The following RASSF4 variants were observed in gnomAD, a reference collection of about 807,000 sequenced individuals.
RASSF4 encodes ras association domain-containing protein 4.
In RASSF4, 38 loss-of-function variants were observed where a neutral mutation model predicts 41.1. The ratio of observed to expected loss-of-function variants is 0.92; its 90% confidence interval spans 0.71 to 1.21. RASSF4 has a LOEUF of 1.21. Among genes scored for constraint, RASSF4 ranks in the 50% most tolerant of loss-of-function variants. The pLI is 0.00. For missense variants in RASSF4, 414 were observed against 419.4 expected, an observed-to-expected ratio of 0.99 and a Z score of 0.11; for synonymous variants, 179 against 163.4, an observed-to-expected ratio of 1.10 and a Z score of -0.73.
At chr10:44,962,957 A>G (rs1840762111) in intron 1 of RASSF4, among the ~76,000 whole-genome samples, 1 of 152,134 alleles carries the variant, frequency 6.6e-6, no homozygotes, top group Non-Finnish European at 1.5e-5. Context: ...AGGCTCTCAG[A>G]GGAAGGGGAG....
chr10:44,984,751 A>G, intron 5 of RASSF4, 62 bp from the exon 6 acceptor site: 2 of 1,582,342 alleles, frequency 1.3e-6, no homozygotes, highest in African/African-American at 2.7e-5. Flanking sequence ...ATCTCCCGAC[A>G]GCAGGCAGTT....
intron 2 of RASSF4, chr10:44,970,594 ATG>A (rs1841110925): frequency 3.7e-6 from 1 of 269,008 alleles, no homozygotes; most frequent in Admixed American, 4.9e-5. Context: ...GTTCAATAAA[ATG>A]TGTTATTAAT....
intron 6 of RASSF4, among the ~76,000 whole-genome samples, chr10:44,985,517 A>G (rs534338628): frequency 2.0e-5 from 3 of 152,256 alleles, no homozygotes; most frequent in Non-Finnish European, 4.4e-5. Flanking sequence ...GTTACTGTAA[A>G]TAGAATGATT....
chr10:44,980,419 T>C (rs1429437363), intron 3 of RASSF4, among the ~76,000 whole-genome samples: 1 of 152,190 alleles, frequency 6.6e-6, no homozygotes. Context: ...GGGCTTTCCC[T>C]CCATTCAGAT....
chr10:44,972,805 C>T (rs1199474431), intron 3 of RASSF4, among the ~76,000 whole-genome samples: 2 of 152,226 alleles, frequency 1.3e-5, no homozygotes, highest in Non-Finnish European at 2.9e-5. Flanking sequence ...CGGACTTTCT[C>T]TCCTCACTAG....
At chr10:44,962,338 C>T (rs1840739141) in intron 1 of RASSF4, among the ~76,000 whole-genome samples, 1 of 152,214 alleles carries the variant, frequency 6.6e-6, no homozygotes, top group African/African-American at 2.4e-5. Context: ...CATCTCCCTG[C>T]AGTGATATGC....
At chr10:44,979,845 G>A (rs143711405) in intron 3 of RASSF4, among the ~76,000 whole-genome samples, 230 of 152,166 alleles carry the variant, frequency 1.5e-3, no homozygotes, top group African/African-American at 5.3e-3. Flanking sequence ...TCAAAGGATC[G>A]CTGCAGCTGC....
intron 3 of RASSF4, among the ~76,000 whole-genome samples, chr10:44,980,144 T>G (rs1051639863): frequency 1.3e-5 from 2 of 151,998 alleles, no homozygotes; most frequent in Non-Finnish European, 2.9e-5. Context: ...CCAGACTCCC[T>G]AGGCAAGCAA....
chr10:44,984,902 G>C lies in RASSF4; in HGVS notation c.463G>C (p.Ala155Pro). The part of the protein sequence containing the change: ...CMSQRRPKCR[A>P]PGEAQRIRRH... ...GAGCCAGAGGAGGCCCAAGTGCCGC[G>C]CCCCCGGTGAGGCCCAGCGCATCCG... Residue 155 changes from alanine (A) to proline (P), a missense_variant, in exon 6 of 11, where the codon GCC (alanine) becomes CCC (proline). By Grantham distance (27) the Ala-to-Pro change is conservative (BLOSUM62 -1). Coordinates refer to ENST00000340258, the MANE Select transcript of RASSF4 (RefSeq NM_032023.4). 2 of 1,613,522 alleles carry C rather than the reference G, an allele frequency of 1.2e-6. No homozygotes were observed. The highest frequency in any genetic ancestry group is 1.7e-6 in the Non-Finnish European group (2 of 1,180,004).
chr10:44,989,041 C>A (rs1358695906), intron 6 of RASSF4, among the ~76,000 whole-genome samples: 1 of 152,214 alleles, frequency 6.6e-6, no homozygotes, highest in East Asian at 1.9e-4. Flanking sequence ...AGAGAGCTGG[C>A]CCTTCTGGGT....
intron 3 of RASSF4, chr10:44,976,120 C>T (rs932006570): frequency 6.6e-6 from 1 of 152,192 alleles, no homozygotes; most frequent in African/African-American, 2.4e-5. Context: ...CACAGAGACA[C>T]AGTGGGCTGT....
rs369865883 is a variant in RASSF4, at chr10:44,984,004, G to A, written c.282-18G>A. The A allele has an allele frequency of 1.3e-6, 2 of 1,580,772 alleles. No homozygotes were observed. Among genetic ancestry groups the A allele is most frequent in the Non-Finnish European group, 1.7e-6 (2 of 1,163,334 alleles). ...CTCTGCCGGCAGCCATCTCAGCCCT[G>A]CAGTTGTCTGTTTTCAGAAAGGAGC... On this transcript the variant is annotated intron_variant, in intron 4 of 10. Coordinates refer to ENST00000340258, the MANE Select transcript of RASSF4 (RefSeq NM_032023.4).
intron 3 of RASSF4, chr10:44,977,202 TCTC>T (rs1363133573): frequency 4.3e-5 from 29 of 675,116 alleles, no homozygotes; most frequent in East Asian, 5.4e-5. Context: ...ATTGGTAACA[TCTC>T]CTCATGTGAA....
chr10:44,977,322 C>T, intron 3 of RASSF4: 1 of 1,499,038 alleles, frequency 6.7e-7, no homozygotes, highest in Admixed American at 2.3e-5. Context: ...GGGGCAGTGA[C>T]CACCATGGAG....
chr10:44,982,291 T>G, intron 3 of RASSF4: 1 of 615,838 alleles, frequency 1.6e-6, no homozygotes. Context: ...CACTGTGTTC[T>G]GCGCTGTGCC....
intron 5 of RASSF4, chr10:44,984,342 G>T (rs2132795271): frequency 1.7e-6 from 1 of 574,954 alleles, no homozygotes; most frequent in Admixed American, 3.1e-5. Context: ...TGACAGTGTG[G>T]GGGTGGCCTG....
intron 9 of RASSF4, 89 bp downstream of exon 9, chr10:44,991,158 T>C (rs1842097622): frequency 1.6e-6 from 2 of 1,240,314 alleles, no homozygotes; most frequent in Non-Finnish European, 2.2e-6. Flanking sequence ...GCCAGAGCCC[T>C]GTCAGTTGAT....
Position 44,984,985 on chromosome 10 carries a change from T to C in RASSF4, c.531+15T>C, listed in dbSNP as rs748661200. On this transcript the variant is annotated intron_variant, in intron 6 of 10. Coordinates refer to ENST00000340258, the MANE Select transcript of RASSF4 (RefSeq NM_032023.4). ...ACAATCATAAGGTGATGCCCCAGCC[T>C]GGCCTCTCCCCTGGGCGCATGGGGA... 2.5e-6 allele frequency: 4 copies of C among 1,604,622 alleles called. No homozygotes were observed. In the African/African-American group the frequency reaches 4.0e-5, roughly 16 times the overall value.
At chr10:44,968,097 A>G (rs964054700) in intron 1 of RASSF4, among the ~76,000 whole-genome samples, 1 of 152,222 alleles carries the variant, frequency 6.6e-6, no homozygotes, top group African/African-American at 2.4e-5. Context: ...AGGCAAGAGA[A>G]AAAAACACTG....
Sources: gnomAD v4.1 joint callset for allele counts (sites outside exome capture counted in the v4.1 genomes callset) on GRCh38, gnomAD v4.1.1 for gene constraint, MANE v1.5 for transcripts, NCBI Gene and HGNC (gene_info 2026-07-23, HGNC 2026-07-21) for gene names.